The following VEPH1 variants were observed in gnomAD, a reference collection of about 807,000 sequenced individuals.
VEPH1 encodes ventricular zone-expressed PH domain-containing protein homolog 1.
A neutral mutation model predicts 85.2 loss-of-function variants in VEPH1; 80 were observed. The ratio of observed to expected loss-of-function variants is 0.94; its 90% CI spans 0.78 to 1.13. VEPH1 has a LOEUF of 1.13. Ranked by LOEUF, VEPH1 falls within the 50% of genes most tolerant of loss-of-function variation. The probability of loss-of-function intolerance (pLI) is 0.00; values close to 1 mark genes in which losing one functional copy is unlikely to be tolerated. For synonymous variants in VEPH1, 297 were observed against 348.0 expected (o/e 0.85, Z 1.63); for missense variants, 955 against 980.5 (o/e 0.97, Z 0.35).
chr3:157,476,763 A>T (rs1022110303), intron 2 of VEPH1, among the ~76,000 whole-genome samples: 2 of 152,198 alleles, frequency 1.3e-5, no homozygotes, highest in South Asian at 2.1e-4. Context: ...GGAGTTGCCA[A>T]CCTGGCAGGA....
Position 157,283,074 on chromosome 3 carries a change from T to C in VEPH1, c.2128+3483A>G, listed in dbSNP as rs115793987. 4.2e-3 allele frequency among the ~76,000 whole-genome samples: 640 copies of C among 152,374 alleles called. 6 individuals are homozygous for C. Among genetic ancestry groups the C allele is most frequent in the African/African-American group, 0.015 (612 of 41,584 alleles). On this transcript the variant is annotated intron_variant, in intron 12 of 13. Coordinates refer to ENST00000362010, the MANE Select transcript of VEPH1 (RefSeq NM_001167912.2). ...CATTATCATAATAAAGTCTCTGTTC[T>C]TCTTTAAGTAGAGTAAGTCATCGAG...
intron 3 of VEPH1, among the ~76,000 whole-genome samples, chr3:157,467,722 C>T (rs575543869): frequency 7.1e-4 from 108 of 152,280 alleles, no homozygotes; most frequent in Non-Finnish European, 1.4e-3. Flanking sequence ...ATGGACACCC[C>T]ATCCCTACAC....
intron 9 of VEPH1, among the ~76,000 whole-genome samples, chr3:157,343,233 C>A (rs1723791751): frequency 6.6e-6 from 1 of 152,080 alleles, no homozygotes; most frequent in Non-Finnish European, 1.5e-5. Flanking sequence ...ATCAATGAAT[C>A]CAGGAGCTGG....
At chr3:157,484,898 A>G (rs997098350) in intron 2 of VEPH1, among the ~76,000 whole-genome samples, 1 of 152,158 alleles carries the variant, frequency 6.6e-6, no homozygotes, top group African/African-American at 2.4e-5. Flanking sequence ...TGAGCATACT[A>G]GACTCTCATT....
chr3:157,470,908 C>T (rs1011908459), intron 2 of VEPH1, among the ~76,000 whole-genome samples: 2 of 152,068 alleles, frequency 1.3e-5, no homozygotes, highest in Non-Finnish European at 2.9e-5. Flanking sequence ...TTTCAAATTA[C>T]CCTTCAATTT....
At position 157,351,672 on chromosome 3, in the gene VEPH1, T is replaced by A. The variant is rs1403437902; in HGVS notation, c.1735+11692A>T. Among the ~76,000 whole-genome samples the A allele has an allele frequency of 2.6e-5, 4 of 152,214 alleles. No homozygotes were observed. In the East Asian group the frequency reaches 7.7e-4, roughly 29 times the overall value. ...GGTGGCAGTCTTGTGGAACTGTAGA[T>A]GCTGATTCAATAGGTCTAGGGTAAG... is the stretch of plus-strand genomic sequence containing the variant. On this transcript the variant is annotated intron_variant, in intron 9 of 13. Coordinates refer to ENST00000362010, the MANE Select transcript of VEPH1 (RefSeq NM_001167912.2).
rs994120390 is a variant in VEPH1 at position 157,299,960 on chromosome 3, C to T, written c.2011-13286G>A. On this transcript the variant is annotated intron_variant, in intron 11 of 13. Transcript: ENST00000362010. ...ATGTCTTTTGAATCTCACGACATCCCTGCGAAGTGTTTACTGCTATTTTCT... is the reference window on the plus strand; with the variant it reads ...ATGTCTTTTGAATCTCACGACATCCTTGCGAAGTGTTTACTGCTATTTTCT... Among the ~76,000 whole-genome samples, 5 of 152,258 alleles carry T rather than the reference C, an allele frequency of 3.3e-5. No homozygotes were observed. The South Asian group carries it at 1.0e-3, about 32-fold the overall frequency.
At chr3:157,289,120 T>C (rs1717154920) in intron 11 of VEPH1, among the ~76,000 whole-genome samples, 1 of 152,206 alleles carries the variant, frequency 6.6e-6, no homozygotes, top group Non-Finnish European at 1.5e-5. Context: ...TTCATAAGTA[T>C]CAGTTTCAAA....
chr3:157,264,883 G>C (rs1392539432), intron 13 of VEPH1, among the ~76,000 whole-genome samples: 1 of 152,114 alleles, frequency 6.6e-6, no homozygotes, highest in Non-Finnish European at 1.5e-5. Context: ...AAGAAGAGAA[G>C]GTAACTTTGC....
At chr3:157,432,899 T>C (rs1041556646) in intron 4 of VEPH1, among the ~76,000 whole-genome samples, 1 of 152,198 alleles carries the variant, frequency 6.6e-6, no homozygotes, top group African/African-American at 2.4e-5. Context: ...TTTCTGTCTA[T>C]GTAGATCTTT....
chr3:157,443,361 T>C (rs1279402521), intron 4 of VEPH1: 1 of 178,708 alleles, frequency 5.6e-6, no homozygotes, highest in Non-Finnish European at 1.2e-5. Context: ...AAATAAGATT[T>C]GTTGTCCATT....
rs148635923 is a variant in VEPH1, at chr3:157,434,397, C to T, written c.530-5909G>A. Among the ~76,000 whole-genome samples, 458 of 152,224 alleles carry T rather than the reference C, an allele frequency of 3.0e-3. 2 individuals are homozygous for T. The highest frequency in any genetic ancestry group is 0.011 in the African/African-American group (444 of 41,532). Reference sequence around the variant, plus strand: ...TGTGATCACAGCTCACTGCAGCCTCCACTTCCCAGGCTCAAGTGATCCTCC... The same window carrying T: ...TGTGATCACAGCTCACTGCAGCCTCTACTTCCCAGGCTCAAGTGATCCTCC... On this transcript the variant is annotated intron_variant, in intron 4 of 13. Transcript: ENST00000362010.
In VEPH1 at chr3:157,440,967, A is replaced by C. The variant is rs1211893888; in HGVS notation, c.530-12479T>G. Among the ~76,000 whole-genome samples the C allele has an allele frequency of 5.9e-5, 9 of 152,348 alleles. No individual in the cohort carries two copies. In the South Asian group the frequency reaches 1.7e-3, roughly 28 times the overall value. ...GTAATTATAAGCATGTGGACAAGGT[A>C]GAATTTTTAAACACATTTTTGGTCT... is the stretch of plus-strand genomic sequence containing the variant. On this transcript the variant is annotated intron_variant, in intron 4 of 13. Transcript: ENST00000362010.
chr3:157,354,663 A>G (rs1233553320), intron 9 of VEPH1, among the ~76,000 whole-genome samples: 2 of 151,982 alleles, frequency 1.3e-5, no homozygotes, highest in Non-Finnish European at 2.9e-5. Flanking sequence ...ATCTGTCACT[A>G]TTTGGCATTA....
At chr3:157,436,366 A>G (rs1017856889) in intron 4 of VEPH1, among the ~76,000 whole-genome samples, 1 of 152,222 alleles carries the variant, frequency 6.6e-6, no homozygotes, top group African/African-American at 2.4e-5. Flanking sequence ...TTTCAGAGCC[A>G]TAACTATTCT....
chr3:157,369,153 TAAC>T lies in VEPH1; in HGVS notation c.1128-4644_1128-4642del, dbSNP rs915674537. On this transcript the variant is annotated intron_variant, in intron 7 of 13. Coordinates refer to ENST00000362010, the MANE Select transcript of VEPH1 (RefSeq NM_001167912.2). ...AAACACAAAAAACAAAACAAACAAA[TAAC>T]AACAACAACAACAAAAACCAAATGA... 8.0e-3 allele frequency among the ~76,000 whole-genome samples: 389 copies of T among 48,368 alleles called. 5 individuals are homozygous for T. Among genetic ancestry groups the T allele is most frequent in the African/African-American group, 0.029 (357 of 12,234 alleles). The allele number at this position is 48,368 out of a possible 152,430, so 31.7% of individuals were successfully genotyped here.
At chr3:157,319,401 A>T (rs10936078) in intron 9 of VEPH1, among the ~76,000 whole-genome samples, 33,925 of 152,172 alleles carry the variant, frequency 0.22, 4,612 homozygotes, top group Admixed American at 0.41. Flanking sequence ...ATGGAGCATA[A>T]TATCAACTTA....
rs1731717769 is a variant in VEPH1, at chr3:157,414,049, C to T, written c.738G>A (p.Lys246=). 6.2e-7 allele frequency: 1 copy of T among 1,612,888 alleles called. No individual in the cohort carries two copies. Among genetic ancestry groups the T allele is most frequent in the South Asian group, 1.1e-5 (1 of 91,044 alleles). Residue 246 remains lysine (K), a synonymous_variant, in exon 6 of 14, where the codon AAG becomes AAA. Coordinates refer to ENST00000362010, the MANE Select transcript of VEPH1 (RefSeq NM_001167912.2). ...KCIPFLIGHL[K]DSTHNDIILN... ...GGATGATGTCATTATGGGTTGAATC[C>T]TTCAAATGCCCAATTAGGAAAGGAA... is the stretch of plus-strand genomic sequence containing the variant.
rs556496507 is a variant in VEPH1 at position 157,495,371 on chromosome 3, T to A, written c.-22A>T. 188 of 1,612,552 alleles carry A rather than the reference T, an allele frequency of 1.2e-4. 1 individual carries two copies. The South Asian group carries it at 2.0e-3, about 17-fold the overall frequency. ...GCATGGTGAGGATGAGTTTGATCAGTTGACTTTCTACAGACCCAGAGTCAT... is the reference window on the plus strand; with the variant it reads ...GCATGGTGAGGATGAGTTTGATCAGATGACTTTCTACAGACCCAGAGTCAT... On this transcript the variant is annotated 5_prime_UTR_variant, in exon 2 of 14. Transcript: ENST00000362010.
Sources: allele counts gnomAD v4.1 joint callset (sites outside exome capture counted in the v4.1 genomes callset), GRCh38; gene constraint gnomAD v4.1.1; transcripts MANE v1.5; gene names NCBI Gene and HGNC (gene_info 2026-07-23, HGNC 2026-07-21).